Variants in LOXL1 observed in about 807,000 individuals in gnomAD.
LOXL1 encodes lysyl oxidase like 1.
LOXL1 carries 31 observed loss-of-function variants against 62.2 expected under a neutral mutation model. The ratio of observed to expected loss-of-function variants is 0.50; its 90% CI spans 0.37 to 0.67. The LOEUF is 0.67. Among genes scored for constraint, LOXL1 ranks in the 30% least tolerant of loss-of-function variants. The probability of loss-of-function intolerance (pLI) is 0.00; values close to 1 mark genes in which losing one functional copy is unlikely to be tolerated. For missense variants in LOXL1, 775 were observed against 843.4 expected (o/e 0.92, Z 1.00); for synonymous variants, 403 against 384.4 (o/e 1.05, Z -0.56).
intron 4 of LOXL1, 68 bp downstream of exon 4, chr15:73,947,291 C>T (rs2068755004): frequency 4.0e-6 from 6 of 1,511,476 alleles, no homozygotes; most frequent in Non-Finnish European, 5.4e-6. Context: ...GAGCGAGGCC[C>T]GCTGAGGCCC....
intron 2 of LOXL1, among the ~76,000 whole-genome samples, chr15:73,946,196 A>G (rs866265313): frequency 3.9e-5 from 6 of 152,250 alleles, no homozygotes; most frequent in African/African-American, 1.4e-4. Context: ...GGTGGAGGCC[A>G]GAAAGGAGGG....
At position 73,927,622 on chromosome 15, in the gene LOXL1, G is replaced by A. The variant is rs2068596165; in HGVS notation, c.839G>A (p.Ser280Asn). ...LDRRYSHSLY[S>N]EGTPGFEQAY... is the part of the protein sequence containing the mutation. ...CGCCGCTACTCGCACAGTCTGTACAGCGAGGGCACCCCCGGCTTCGAGCAG... is the reference window on the plus strand; with the variant it reads ...CGCCGCTACTCGCACAGTCTGTACAACGAGGGCACCCCCGGCTTCGAGCAG... Residue 280 changes from serine (S) to asparagine (N), a missense_variant, in exon 1 of 7, where the codon AGC becomes AAC. Ser to Asn is a conservative substitution (Grantham distance 46). Transcript: ENST00000261921. 1.3e-6 allele frequency: 2 copies of A among 1,490,870 alleles called. No homozygotes were observed. The highest frequency in any genetic ancestry group is 1.7e-4 in the Middle Eastern group (1 of 5,774). The allele number at this position is 1,490,870 out of a possible 1,614,324, so 92.4% of individuals were successfully genotyped here.
intron 2 of LOXL1, 46 bp downstream of exon 2, chr15:73,943,008 G>T (rs759511943): frequency 6.8e-7 from 1 of 1,472,438 alleles, no homozygotes; most frequent in Non-Finnish European, 9.5e-7. Flanking sequence ...TAGTCCCCGG[G>T]AGTCACCCAG....
intron 1 of LOXL1, among the ~76,000 whole-genome samples, chr15:73,941,630 C>T (rs747742261): frequency 6.6e-6 from 1 of 152,158 alleles, no homozygotes. Context: ...CTCATCTTAT[C>T]ACTTACCTGA....
At chr15:73,949,368 T>C (rs527892506) in intron 5 of LOXL1, 91 bp from the exon 6 acceptor site, 1 of 777,724 alleles carries the variant, frequency 1.3e-6, no homozygotes, top group East Asian at 2.4e-5. Context: ...TCTGTCTGTC[T>C]GTCTGCCTCT....
At chr15:73,932,479 T>C (rs1283534373) in intron 1 of LOXL1, among the ~76,000 whole-genome samples, 2 of 152,222 alleles carry the variant, frequency 1.3e-5, no homozygotes, top group Admixed American at 6.5e-5. Context: ...TCAACAGATA[T>C]TTGAGTGCTA....
chr15:73,946,066 A>G (rs2068744998), intron 2 of LOXL1, among the ~76,000 whole-genome samples: 1 of 152,026 alleles, frequency 6.6e-6, no homozygotes, highest in African/African-American at 2.4e-5. Context: ...GGCCCTTCAG[A>G]GATTGCTATG....
Position 73,947,237 on chromosome 15 carries a change from G to C in LOXL1, c.1506+14G>C. 1 of 1,588,490 alleles carries C rather than the reference G, an allele frequency of 6.3e-7. No homozygotes were observed. Among genetic ancestry groups the C allele is most frequent in the Non-Finnish European group, 8.6e-7 (1 of 1,160,866 alleles). On this transcript the variant is annotated intron_variant, in intron 4 of 6. Transcript: ENST00000261921. The stretch of plus-strand genomic sequence containing the variant: ...TCTCATACCCAGGTTGGGCTGGAGA[G>C]ATGGGGTTTGGGGCATGGGAGGATA...
chr15:73,935,588 G>T (rs2068665107), intron 1 of LOXL1, among the ~76,000 whole-genome samples: 1 of 152,326 alleles, frequency 6.6e-6, no homozygotes, highest in Admixed American at 6.5e-5. Flanking sequence ...CTGCAAGGGC[G>T]GGGAGGGCTC....
Position 73,926,659 on chromosome 15 carries a change from G to A in LOXL1, c.-125G>A. ...GTCCCGCTCGGGACAAGGCCAGCATGGACAAAGCTAGAGCTGGGGCAAGCA... is the reference window on the plus strand; with the variant it reads ...GTCCCGCTCGGGACAAGGCCAGCATAGACAAAGCTAGAGCTGGGGCAAGCA... On this transcript the variant is annotated 5_prime_UTR_variant, in exon 1 of 7. An upstream start codon of the reference 5' UTR is lost. Coordinates refer to ENST00000261921, the MANE Select transcript of LOXL1 (RefSeq NM_005576.4). 8.7e-7 allele frequency: 1 copy of A among 1,152,542 alleles called. No homozygotes were observed. Among genetic ancestry groups the A allele is most frequent in the Non-Finnish European group, 1.1e-6 (1 of 877,506 alleles). 71.4% of individuals were successfully genotyped at this position (1,152,542 alleles called of 1,614,324 possible).
At position 73,930,753 on chromosome 15, in the gene LOXL1, C is replaced by A. The variant is rs1050588136; in HGVS notation, c.1102+2868C>A. 8.5e-5 allele frequency among the ~76,000 whole-genome samples: 13 copies of A among 152,294 alleles called. No individual in the cohort carries two copies. The highest frequency in any genetic ancestry group is 4.6e-4 in the Admixed American group (7 of 15,308). ...CCAGTTTCTTCCTCGGGTACCTGTGCCCTCTTCCTTCCTACCCTGGGCACT... is the reference window on the plus strand; with the variant it reads ...CCAGTTTCTTCCTCGGGTACCTGTGACCTCTTCCTTCCTACCCTGGGCACT... On this transcript the variant is annotated intron_variant, in intron 1 of 6. Transcript: ENST00000261921. This position sits in a 1 kb window ranked among gnomAD's most constrained non-coding sequence, Gnocchi z 4.7.
chr15:73,927,489 G>T lies in LOXL1; in HGVS notation c.706G>T (p.Glu236Ter). 6.8e-7 allele frequency: 1 copy of T among 1,464,198 alleles called. No homozygotes were observed. The highest frequency in any genetic ancestry group is 9.0e-7 in the Non-Finnish European group (1 of 1,112,786). 90.7% of individuals were successfully genotyped at this position (1,464,198 alleles called of 1,614,324 possible). A position where few individuals can be genotyped will look rare whatever the true frequency, so the allele number is the denominator to read the frequency against. Residue 236 changes from glutamate to a stop codon, truncating the protein, a stop_gained, in exon 1 of 7, where the codon GAG becomes TAG. Coordinates refer to ENST00000261921, the MANE Select transcript of LOXL1 (RefSeq NM_005576.4). LOFTEE classifies it high-confidence loss of function. The stretch of plus-strand genomic sequence containing the variant: ...CTACCAGCCCCGGGCGCGCTACGAG[G>T]AGTACGGCGGCGGCGAAGAGCTGCC... Reference protein sequence around the residue: ...YPYQPRARYEEYGGGEELPEY... With the variant: ...YPYQPRARYE
At chr15:73,951,612 G>A (rs2068787661) in intron 6 of LOXL1, among the ~76,000 whole-genome samples, 1 of 152,226 alleles carries the variant, frequency 6.6e-6, no homozygotes, top group African/African-American at 2.4e-5. Flanking sequence ...GGCATGGGGA[G>A]GGGAATGTGC....
At position 73,942,871 on chromosome 15, in the gene LOXL1, C is replaced by G; in HGVS notation, c.1120C>G (p.Pro374Ala). 1 of 1,613,762 alleles carries G rather than the reference C, an allele frequency of 6.2e-7. No individual in the cohort carries two copies. The highest frequency in any genetic ancestry group is 8.5e-7 in the Non-Finnish European group (1 of 1,179,664). Residue 374 changes from proline (P) to alanine (A), a missense_variant, in exon 2 of 7, where the codon CCA becomes GCA. By Grantham distance (27) the Pro-to-Ala change is conservative. Transcript: ENST00000261921. ...CACTCCAGGTCTCCCTGACTTGGTC[C>G]CAGACCCCAACTATGTGCAAGCATC... ...QNGRGLPDLV[P>A]DPNYVQASTY... is the part of the protein sequence containing the mutation.
At chr15:73,951,080 G>A (rs1044233865) in intron 6 of LOXL1, among the ~76,000 whole-genome samples, 1 of 152,204 alleles carries the variant, frequency 6.6e-6, no homozygotes, top group Non-Finnish European at 1.5e-5. Context: ...AGCCATTCTA[G>A]GGAAGGAGGA....
At chr15:73,947,035 C>CTCTTCTT (rs1425423656) in intron 3 of LOXL1, 32 bp from the exon 4 acceptor site, 2 of 1,557,186 alleles carry the variant, frequency 1.3e-6, no homozygotes, top group Non-Finnish European at 8.7e-7. Flanking sequence ...AGACTAGGCC[C>CTCTTCTT]TCTTCTTTCT....
chr15:73,938,737 T>A (rs1215505993), intron 1 of LOXL1, among the ~76,000 whole-genome samples: 2 of 151,994 alleles, frequency 1.3e-5, no homozygotes, highest in Non-Finnish European at 2.9e-5. Flanking sequence ...CTCATTTGAC[T>A]GGGTGCGGTG....
rs1387729901 is a variant in LOXL1, at chr15:73,927,575, G to A, written c.792G>A (p.Pro264=). Residue 264 remains proline, a synonymous_variant, in exon 1 of 7, where the codon CCG becomes CCA. Transcript: ENST00000261921. ...APERPYVPPP[P]PPPDGLDRRY... is the part of the protein sequence containing the mutation. ...AGAGGCCCTACGTGCCGCCGCCGCC[G>A]CCGCCCCCCGACGGCCTGGACCGCC... is the stretch of plus-strand genomic sequence containing the variant. 6.7e-7 allele frequency: 1 copy of A among 1,498,772 alleles called. No homozygotes were observed. The highest frequency in any genetic ancestry group is 8.8e-7 in the Non-Finnish European group (1 of 1,131,064). The allele number at this position is 1,498,772 out of a possible 1,614,324, so 92.8% of individuals were successfully genotyped here.
chr15:73,942,069 G>A (rs184752685), intron 1 of LOXL1: 25 of 165,860 alleles, frequency 1.5e-4, no homozygotes, highest in Middle Eastern at 3.2e-3. Flanking sequence ...GTTGGTGGCC[G>A]GAGGTTGCAG....
Sources: gnomAD v4.1 joint callset for allele counts (sites outside exome capture counted in the v4.1 genomes callset) on GRCh38, gnomAD v4.1.1 for gene constraint, Gnocchi (gnomAD v3.1) non-coding constraint, MANE v1.5 for transcripts, NCBI Gene and HGNC (gene_info 2026-07-23, HGNC 2026-07-21) for gene names.